Variants in ANKRD30A observed in about 807,000 individuals in gnomAD.
The protein encoded by ANKRD30A is ankyrin repeat domain 30A, also known as ankyrin repeat domain-containing protein 30A.
A neutral mutation model predicts 166.3 loss-of-function variants in ANKRD30A; 170 were observed. The observed-to-expected ratio is 1.02, with a 90% CI of 0.90 to 1.16. ANKRD30A has a LOEUF of 1.16. ANKRD30A is among the 50% of genes most tolerant of loss of function. The pLI, the probability that ANKRD30A is intolerant of heterozygous loss-of-function variation, is 0.00. For missense variants in ANKRD30A, 1,630 were observed against 1,518.0 expected (o/e 1.07, Z -1.23); for synonymous variants, 564 against 508.9 (o/e 1.11, Z -1.46).
chr10:37,134,797 T>A (rs1165690080), intron 5 of ANKRD30A, among the ~76,000 whole-genome samples: 5 of 152,204 alleles, frequency 3.3e-5, no homozygotes, highest in Non-Finnish European at 5.9e-5. Context: ...TTTGAATGAC[T>A]TTTTTCTATT....
intron 27 of ANKRD30A, 129 bp from the exon 28 acceptor site, chr10:37,197,152 T>C (rs1433649025): frequency 3.7e-6 from 5 of 1,338,466 alleles, no homozygotes; most frequent in Non-Finnish European, 4.3e-6. Flanking sequence ...AAAAGAAAAC[T>C]TTCCAAATCT....
At chr10:37,161,612 T>C (rs1010984358) in intron 15 of ANKRD30A, among the ~76,000 whole-genome samples, 10 of 152,212 alleles carry the variant, frequency 6.6e-5, no homozygotes, top group African/African-American at 2.4e-4. Flanking sequence ...TACTCCAGAA[T>C]GTAGACTGTG....
chr10:37,197,401 C>T lies in ANKRD30A; in HGVS notation c.2644-7C>T. The T allele has an allele frequency of 6.2e-7, 1 of 1,612,616 alleles. No individual in the cohort carries two copies. Among genetic ancestry groups the T allele is most frequent in the Non-Finnish European group, 8.5e-7 (1 of 1,179,720 alleles). ...TTATTAATCATTTTGCTTCCAACCC[C>T]ATTTAGCCTGCCATTGAAATGCAAA... On this transcript the variant is annotated splice_region_variant and splice_polypyrimidine_tract_variant and intron_variant, in intron 28 of 35. Transcript: ENST00000361713.
At chr10:37,194,241 G>C (rs1220481291) in intron 27 of ANKRD30A, among the ~76,000 whole-genome samples, 1 of 152,118 alleles carries the variant, frequency 6.6e-6, no homozygotes, top group African/African-American at 2.4e-5. Flanking sequence ...TGTGGTTATA[G>C]ACTATGTGTA....
intron 13 of ANKRD30A, among the ~76,000 whole-genome samples, chr10:37,157,923 C>A (rs1400476909): frequency 6.6e-6 from 1 of 152,042 alleles, no homozygotes; most frequent in Non-Finnish European, 1.5e-5. Flanking sequence ...AACTCCAGGA[C>A]AAATTGAAGA....
Position 37,142,264 on chromosome 10 carries a change from A to G in ANKRD30A, c.1367A>G (p.Glu456Gly). The change falls in exon 7 of 36, where the codon GAA becomes GGA. Residue 456 changes from glutamate to glycine, a missense_variant. By Grantham distance (98) the Glu-to-Gly change is moderately conservative. Coordinates refer to ENST00000361713, the MANE Select transcript of ANKRD30A (RefSeq NM_052997.3). ...AAGATGATTGCATGTCCTACAAAAG[A>G]ATCATCTACAAAAGCAAGTGCCAAT... The part of the protein sequence containing the change: ...RSKMIACPTK[E>G]SSTKASANDQ... 1 of 1,596,286 alleles carries G rather than the reference A, an allele frequency of 6.3e-7. No homozygotes were observed. Among genetic ancestry groups the G allele is most frequent in the Admixed American group, 1.8e-5 (1 of 55,214 alleles).
chr10:37,202,775 A>G (rs907378184), intron 31 of ANKRD30A, among the ~76,000 whole-genome samples: 28 of 152,178 alleles, frequency 1.8e-4, no homozygotes, highest in African/African-American at 6.5e-4. Context: ...AGAAGAATCA[A>G]ATAGACACAA....
chr10:37,225,461 T>C (rs1398417768), intron 34 of ANKRD30A, among the ~76,000 whole-genome samples: 1 of 151,798 alleles, frequency 6.6e-6, no homozygotes, highest in Non-Finnish European at 1.5e-5. Flanking sequence ...GAAAGCTAAA[T>C]TTCCATGGAG....
intron 18 of ANKRD30A, among the ~76,000 whole-genome samples, chr10:37,166,086 G>A (rs1003388965): frequency 2.6e-5 from 4 of 151,946 alleles, no homozygotes; most frequent in Admixed American, 6.6e-5. Flanking sequence ...CCTGTTTACC[G>A]AAAGAAAGCA....
rs867398668 is a variant in ANKRD30A at position 37,142,263 on chromosome 10, G to T, written c.1366G>T (p.Glu456Ter). ...RSKMIACPTK[E>*]SSTKASANDQ... ...TAAGATGATTGCATGTCCTACAAAA[G>T]AATCATCTACAAAAGCAAGTGCCAA... is the stretch of plus-strand genomic sequence containing the variant. The change falls in exon 7 of 36, where the codon GAA (glutamate) becomes TAA (stop). Residue 456 changes from glutamate (E) to a stop codon, truncating the protein, a stop_gained. Coordinates refer to ENST00000361713, the MANE Select transcript of ANKRD30A (RefSeq NM_052997.3). LOFTEE classifies it high-confidence loss of function. 1.3e-6 allele frequency: 2 copies of T among 1,596,766 alleles called. No homozygotes were observed. Among genetic ancestry groups the T allele is most frequent in the Non-Finnish European group, 1.7e-6 (2 of 1,175,486 alleles).
At chr10:37,170,789 AT>A (rs1839508847) in intron 21 of ANKRD30A, among the ~76,000 whole-genome samples, 1 of 21,092 alleles carries the variant, frequency 4.7e-5, no homozygotes, top group Non-Finnish European at 9.4e-5. Context: ...TTTTGTTTGT[AT>A]TTTTTTCTTC....
Position 37,125,999 on chromosome 10 carries a change from C to G in ANKRD30A, c.212C>G (p.Ala71Gly). The change falls in exon 1 of 36, where the codon GCC becomes GGC. Residue 71 changes from alanine (A) to glycine (G), a missense_variant. Coordinates refer to ENST00000361713, the MANE Select transcript of ANKRD30A (RefSeq NM_052997.3). ...ACCATCAACCTTAATATACAAGACGCCCAGAAGAGGTACCAGGCCCTGCCT... is the reference window on the plus strand; with the variant it reads ...ACCATCAACCTTAATATACAAGACGGCCAGAAGAGGTACCAGGCCCTGCCT... ...KKTINLNIQD[A>G]QKRTALHWAC... The G allele has an allele frequency of 2.5e-6, 4 of 1,612,112 alleles. No homozygotes were observed. Among genetic ancestry groups the G allele is most frequent in the Non-Finnish European group, 3.4e-6 (4 of 1,179,972 alleles).
At chr10:37,191,736 C>G (rs1413403036) in intron 25 of ANKRD30A, among the ~76,000 whole-genome samples, 11 of 151,964 alleles carry the variant, frequency 7.2e-5, no homozygotes, top group Non-Finnish European at 2.9e-5. Flanking sequence ...TGGCTCACGC[C>G]TGTAATCCCA....
At chr10:37,217,235 G>T (rs186814917) in intron 32 of ANKRD30A, among the ~76,000 whole-genome samples, 158 of 150,834 alleles carry the variant, frequency 1.0e-3, no homozygotes, top group Non-Finnish European at 6.6e-4. Context: ...TATTTTTAGG[G>T]ATACTTGCCA....
intron 1 of ANKRD30A, among the ~76,000 whole-genome samples, chr10:37,129,421 T>G (rs574687951): frequency 6.2e-4 from 94 of 152,336 alleles, no homozygotes; most frequent in Non-Finnish European, 1.2e-3. Flanking sequence ...TTGTACCATT[T>G]TACTTAAAAT....
chr10:37,223,736 T>G (rs1842997476), intron 34 of ANKRD30A, among the ~76,000 whole-genome samples: 1 of 151,304 alleles, frequency 6.6e-6, no homozygotes, highest in South Asian at 2.1e-4. Context: ...TTTACACATA[T>G]ATAACTCATG....
At chr10:37,164,972 AG>A (rs1839195888) in intron 17 of ANKRD30A, 121 bp from the exon 18 acceptor site, 2 of 1,043,484 alleles carry the variant, frequency 1.9e-6, no homozygotes, top group Non-Finnish European at 2.9e-6. Flanking sequence ...ATCAACAAAA[AG>A]AACATATGGG....
At chr10:37,152,220 C>A in intron 12 of ANKRD30A, 99 bp downstream of exon 12, 2 of 981,790 alleles carry the variant, frequency 2.0e-6, no homozygotes, top group Non-Finnish European at 3.1e-6. Flanking sequence ...CTTCATATGT[C>A]ACCCCGAAAT....
chr10:37,125,810 C>T lies in ANKRD30A; in HGVS notation c.23C>T (p.Ala8Val). Reference sequence around the variant, plus strand: ...GCCATGGAGGAGATCTCTGCCGCCGCTGTCAAGGTCGTGCCGGGCCCGGAG... The same window carrying T: ...GCCATGGAGGAGATCTCTGCCGCCGTTGTCAAGGTCGTGCCGGGCCCGGAG... MEEISAAAVKVVPGPERP... is the reference protein window; with the variant it reads MEEISAAVVKVVPGPERP... Residue 8 changes from alanine (A) to valine (V), a missense_variant, in exon 1 of 36, where the codon GCT becomes GTT. By Grantham distance (64) the Ala-to-Val change is moderately conservative. Transcript: ENST00000361713. 1.3e-6 allele frequency: 1 copy of T among 760,876 alleles called. No individual in the cohort carries two copies. Among genetic ancestry groups the T allele is most frequent in the South Asian group, 1.7e-5 (1 of 58,468 alleles). 47.1% of individuals were successfully genotyped at this position (760,876 alleles called of 1,614,324 possible). A position where few individuals can be genotyped will look rare whatever the true frequency, so the allele number is the denominator to read the frequency against.
Sources: gnomAD v4.1 joint callset for allele counts (sites outside exome capture counted in the v4.1 genomes callset) on GRCh38, gnomAD v4.1.1 for gene constraint, MANE v1.5 for transcripts, NCBI Gene and HGNC (gene_info 2026-07-23, HGNC 2026-07-21) for gene names.